The following FHIT variants were observed in gnomAD, a reference collection of about 807,000 sequenced individuals.
FHIT encodes fragile histidine triad diadenosine triphosphatase.
Under a neutral mutation model 17.9 loss-of-function variants are expected in FHIT, and 19 were observed. That is an observed-to-expected ratio of 1.06 (90% CI 0.74 to 1.56). FHIT has a LOEUF of 1.56. Among genes scored for constraint, FHIT ranks in the 40% most tolerant of loss-of-function variants. The pLI is 0.00. For synonymous variants in FHIT, 81 were observed against 69.7 expected, an observed-to-expected ratio of 1.16 and a Z score of -0.81; for missense variants, 248 against 189.2, an observed-to-expected ratio of 1.31 and a Z score of -1.82.
chr3:60,183,962 C>T (rs903255725), intron 5 of FHIT, among the ~76,000 whole-genome samples: 1 of 151,008 alleles, frequency 6.6e-6, no homozygotes, highest in Admixed American at 6.6e-5. Context: ...ACTGAACTAG[C>T]ATTCATAAAT....
At chr3:60,522,515 G>A (rs1013305513) in intron 5 of FHIT, among the ~76,000 whole-genome samples, 1 of 152,170 alleles carries the variant, frequency 6.6e-6, no homozygotes, top group Non-Finnish European at 1.5e-5. Flanking sequence ...ATGGATAGTG[G>A]TAGACTGGAG....
intron 7 of FHIT, among the ~76,000 whole-genome samples, chr3:59,961,464 A>C (rs1053377682): frequency 1.3e-5 from 2 of 152,126 alleles, no homozygotes; most frequent in African/African-American, 2.4e-5. Flanking sequence ...TGTACGGGTA[A>C]AAAACTCCTG....
intron 4 of FHIT, among the ~76,000 whole-genome samples, chr3:60,614,831 G>GTTT (rs1327062142): frequency 7.5e-5 from 4 of 53,482 alleles, no homozygotes; most frequent in African/African-American, 1.6e-4. Flanking sequence ...TTTTTTTTTT[G>GTTT]TTTTTTTTTT....
chr3:60,208,373 C>T (rs973492798), intron 5 of FHIT, among the ~76,000 whole-genome samples: 1 of 144,070 alleles, frequency 6.9e-6, no homozygotes, highest in Non-Finnish European at 1.6e-5. Flanking sequence ...GAAATCACCT[C>T]CCCCCAAATT....
chr3:60,304,225 T>A (rs1480940310), intron 5 of FHIT, among the ~76,000 whole-genome samples: 5 of 152,242 alleles, frequency 3.3e-5, no homozygotes, highest in Admixed American at 6.5e-5. Context: ...CACATTACAT[T>A]TTTAAGTATT....
At chr3:60,188,130 A>G (rs983150041) in intron 5 of FHIT, among the ~76,000 whole-genome samples, 11 of 149,506 alleles carry the variant, frequency 7.4e-5, no homozygotes, top group Admixed American at 4.0e-4. Flanking sequence ...CTGTTTTCTG[A>G]TTTCAACATA....
intron 5 of FHIT, among the ~76,000 whole-genome samples, chr3:60,442,333 A>C (rs974029018): frequency 3.3e-5 from 5 of 152,136 alleles, no homozygotes; most frequent in Non-Finnish European, 7.4e-5. Context: ...TCTATAGAAA[A>C]GAAAAACTCC....
intron 5 of FHIT, among the ~76,000 whole-genome samples, chr3:60,236,887 C>T (rs1704826869): frequency 6.6e-6 from 1 of 152,086 alleles, no homozygotes; most frequent in African/African-American, 2.4e-5. Context: ...CATATACAAG[C>T]TTTGTGTTTG....
intron 4 of FHIT, among the ~76,000 whole-genome samples, chr3:60,611,789 T>C (rs902161603): frequency 1.3e-5 from 2 of 152,158 alleles, no homozygotes; most frequent in Non-Finnish European, 2.9e-5. Context: ...AACTATCCAG[T>C]AGTTTGATTT....
chr3:60,851,023 C>T (rs1703133339), intron 3 of FHIT, among the ~76,000 whole-genome samples: 1 of 152,088 alleles, frequency 6.6e-6, no homozygotes, highest in Admixed American at 6.6e-5. Flanking sequence ...CAAAGGAAAG[C>T]TCACATTTGC....
At chr3:60,430,059 T>A (rs1349313172) in intron 5 of FHIT, among the ~76,000 whole-genome samples, 2 of 151,846 alleles carry the variant, frequency 1.3e-5, no homozygotes, top group African/African-American at 4.8e-5. Flanking sequence ...GAACATACAC[T>A]TTCCAGGCAA....
intron 4 of FHIT, among the ~76,000 whole-genome samples, chr3:60,580,141 C>G (rs1207249435): frequency 6.6e-6 from 1 of 152,066 alleles, no homozygotes; most frequent in East Asian, 1.9e-4. Flanking sequence ...CGTTCCAACT[C>G]TAAAATTTAA....
chr3:61,148,570 T>C (rs903908561), intron 2 of FHIT, among the ~76,000 whole-genome samples: 1 of 152,186 alleles, frequency 6.6e-6, no homozygotes, highest in African/African-American at 2.4e-5. Context: ...CCTCATTGTA[T>C]GACTATGTCA....
chr3:60,329,030 C>T (rs1709835839), intron 5 of FHIT, among the ~76,000 whole-genome samples: 1 of 152,158 alleles, frequency 6.6e-6, no homozygotes, highest in African/African-American at 2.4e-5. Flanking sequence ...AACAACAACC[C>T]AGGAAAATTA....
At chr3:60,072,741 T>G (rs1702833495) in intron 5 of FHIT, among the ~76,000 whole-genome samples, 1 of 152,186 alleles carries the variant, frequency 6.6e-6, no homozygotes, top group African/African-American at 2.4e-5. Context: ...CATATACCAC[T>G]CTACATCTTC....
At chr3:61,121,335 G>C (rs2036450939) in intron 2 of FHIT, among the ~76,000 whole-genome samples, 1 of 152,190 alleles carries the variant, frequency 6.6e-6, no homozygotes, top group Non-Finnish European at 1.5e-5. Context: ...GTTAAGGGCA[G>C]TCAGAGAGAA....
chr3:60,599,256 C>G (rs1032061577), intron 4 of FHIT, among the ~76,000 whole-genome samples: 1 of 152,086 alleles, frequency 6.6e-6, no homozygotes, highest in Admixed American at 6.6e-5. Flanking sequence ...CTTCCAAACT[C>G]ATTTAAAAAT....
intron 5 of FHIT, among the ~76,000 whole-genome samples, chr3:60,201,567 T>C (rs918045558): frequency 7.9e-5 from 12 of 152,072 alleles, no homozygotes; most frequent in African/African-American, 2.9e-4. Context: ...CTCTGCAAAA[T>C]GGAAGGGCCA....
At chr3:60,921,977 T>C (rs1454579384) in intron 3 of FHIT, among the ~76,000 whole-genome samples, 1 of 152,322 alleles carries the variant, frequency 6.6e-6, no homozygotes, top group East Asian at 1.9e-4. Context: ...GCTTGAAAGC[T>C]AAACAGAGAG....
Sources: gnomAD v4.1 joint callset for allele counts (sites outside exome capture counted in the v4.1 genomes callset) on GRCh38, gnomAD v4.1.1 for gene constraint, MANE v1.5 for transcripts, NCBI Gene and HGNC (gene_info 2026-07-23, HGNC 2026-07-21) for gene names.